Variants in KIF11 observed in about 807,000 individuals in gnomAD.
KIF11 encodes the protein kinesin family member 11.
A neutral mutation model predicts 121.0 loss-of-function variants in KIF11; 9 were observed. The ratio of observed to expected loss-of-function variants is 0.07; its 90% CI spans 0.04 to 0.13. KIF11 has a LOEUF of 0.13. KIF11 is among the 10% of genes least tolerant of loss of function. The pLI, the probability that KIF11 is intolerant of heterozygous loss-of-function variation, is 1.00. For missense variants in KIF11, 846 were observed against 1,217.5 expected, an observed-to-expected ratio of 0.69 and a Z score of 4.54; for synonymous variants, 408 against 421.0, an observed-to-expected ratio of 0.97 and a Z score of 0.38.
In KIF11 at chr10:92,649,866, C is replaced by T. The variant is rs763384059; in HGVS notation, c.2802C>T (p.Tyr934=). 3 of 1,610,544 alleles carry T rather than the reference C, an allele frequency of 1.9e-6. No individual in the cohort carries two copies. The highest frequency in any genetic ancestry group is 1.7e-6 in the Non-Finnish European group (2 of 1,177,540). The change falls in exon 20 of 22, where the codon TAC becomes TAT. Residue 934 remains tyrosine (Y), a synonymous_variant. Coordinates refer to ENST00000260731, the MANE Select transcript of KIF11 (RefSeq NM_004523.4). Reference sequence around the variant, plus strand: ...CACCACAGAGGAAAAGTTATTTATACCCATCAACACTGGTAAGAACTGAAC... The same window carrying T: ...CACCACAGAGGAAAAGTTATTTATATCCATCAACACTGGTAAGAACTGAAC... ...GTTPQRKSYL[Y]PSTLVRTEPR... is the part of the protein sequence containing the mutation.
At chr10:92,650,315 C>T in intron 20 of KIF11, 86 bp from the exon 21 acceptor site, 1 of 750,396 alleles carries the variant, frequency 1.3e-6, no homozygotes, top group South Asian at 1.5e-5. Flanking sequence ...ATACCATGGG[C>T]ATTGTGTTAT....
intron 17 of KIF11, among the ~76,000 whole-genome samples, chr10:92,645,150 TG>T (rs1844904891): frequency 6.6e-6 from 1 of 152,214 alleles, no homozygotes; most frequent in South Asian, 2.1e-4. Context: ...TGAGCAAAGA[TG>T]ATCCTTTCAA....
chr10:92,614,053 CACACACACACACAT>C (rs1414556736), intron 8 of KIF11, among the ~76,000 whole-genome samples: 4 of 146,590 alleles, frequency 2.7e-5, no homozygotes, highest in Non-Finnish European at 4.5e-5. Context: ...CACACACACA[CACACACACACACAT>C]ATAGTAGGGA....
intron 14 of KIF11, among the ~76,000 whole-genome samples, chr10:92,634,314 AT>A (rs1340828261): frequency 2.9e-5 from 4 of 138,744 alleles, no homozygotes; most frequent in African/African-American, 5.4e-5. Flanking sequence ...GTATTTATTT[AT>A]TTTTTTCAGC....
At chr10:92,622,460 C>A (rs999931771) in intron 10 of KIF11, among the ~76,000 whole-genome samples, 2 of 151,466 alleles carry the variant, frequency 1.3e-5, no homozygotes, top group Non-Finnish European at 2.9e-5. Context: ...ACTAAAAATA[C>A]TAAAATTAGC....
chr10:92,609,361 A>G, intron 5 of KIF11, 24 bp from the exon 6 acceptor site: 1 of 1,586,250 alleles, frequency 6.3e-7, no homozygotes, highest in African/African-American at 1.4e-5. Flanking sequence ...AATCTAATGG[A>G]TGTTCTTTTG....
At chr10:92,616,874 A>G in intron 9 of KIF11, 42 bp downstream of exon 9, 1 of 1,118,250 alleles carries the variant, frequency 8.9e-7, no homozygotes, top group Non-Finnish European at 1.3e-6. Flanking sequence ...CTTGTTTGAC[A>G]AATGTGAAAA....
Position 92,613,478 on chromosome 10 carries a change from G to A in KIF11, c.891G>A (p.Arg297=). 1.2e-6 allele frequency: 2 copies of A among 1,612,992 alleles called. No homozygotes were observed. Among genetic ancestry groups the A allele is most frequent in the South Asian group, 2.2e-5 (2 of 91,042 alleles). ...ATCAATCCCTGTTGACTTTGGGAAG[G>A]GTCATTACTGCCCTTGTAGAAAGAA... ...NINQSLLTLG[R]VITALVERTP... The change falls in exon 8 of 22, where the codon AGG becomes AGA. Residue 297 remains arginine, a synonymous_variant. Transcript: ENST00000260731. The surrounding 1 kb of genome is among the most constrained non-coding windows in gnomAD (Gnocchi z 4.2).
chr10:92,626,172 T>C (rs1844674386), intron 10 of KIF11, among the ~76,000 whole-genome samples: 1 of 152,166 alleles, frequency 6.6e-6, no homozygotes, highest in African/African-American at 2.4e-5. Flanking sequence ...CTTCAAACTA[T>C]ACTACAGGGC....
intron 17 of KIF11, among the ~76,000 whole-genome samples, chr10:92,643,555 ATTTT>A (rs368633432): frequency 8.1e-6 from 1 of 123,460 alleles, no homozygotes. Flanking sequence ...TATCTACTAG[ATTTT>A]TTTTTTTTTT....
chr10:92,602,534 T>C (rs1388379616), intron 1 of KIF11, among the ~76,000 whole-genome samples: 1 of 152,122 alleles, frequency 6.6e-6, no homozygotes, highest in Non-Finnish European at 1.5e-5. Context: ...GTTATCCGAT[T>C]TGTTGGCATA....
chr10:92,596,222 C>T (rs1844294344), intron 1 of KIF11, among the ~76,000 whole-genome samples: 1 of 152,222 alleles, frequency 6.6e-6, no homozygotes, highest in Admixed American at 6.5e-5. Context: ...CCAGGATGGT[C>T]TCCATCTCCT....
In KIF11 at chr10:92,633,916, T is replaced by C. The variant is rs1589602833; in HGVS notation, c.1875+121T>C. The C allele has an allele frequency of 9.5e-6, 6 of 633,488 alleles. No homozygotes were observed. The African/African-American group carries it at 1.2e-4, about 13-fold the overall frequency. The allele number at this position is 633,488 out of a possible 1,614,324, so 39.2% of individuals were successfully genotyped here. On this transcript the variant is annotated intron_variant, in intron 14 of 21. Transcript: ENST00000260731. Reference sequence around the variant, plus strand: ...AATGTTAACTGCTATTCTTTCTTCCTGAGCTTTACTAGACACAGTCATAGA... The same window carrying C: ...AATGTTAACTGCTATTCTTTCTTCCCGAGCTTTACTAGACACAGTCATAGA...
chr10:92,640,083 T>A (rs1844848904), intron 17 of KIF11, among the ~76,000 whole-genome samples, 183 bp downstream of exon 17: 1 of 152,230 alleles, frequency 6.6e-6, no homozygotes, highest in South Asian at 2.1e-4. Context: ...ATTGCGTATT[T>A]GTGCTCTCTT....
intron 21 of KIF11, among the ~76,000 whole-genome samples, chr10:92,652,627 A>G (rs565605278): frequency 6.6e-6 from 1 of 152,326 alleles, no homozygotes; most frequent in African/African-American, 2.4e-5. Context: ...AGAACTATAA[A>G]TATGTTTCTT....
rs749420119 is a variant in KIF11, at chr10:92,613,428, A to C, written c.841A>C (p.Arg281=). Residue 281 remains arginine, a synonymous_variant, in exon 8 of 22, where the codon AGA becomes CGA. Coordinates refer to ENST00000260731, the MANE Select transcript of KIF11 (RefSeq NM_004523.4). This position sits in a 1 kb window ranked among gnomAD's most constrained non-coding sequence, Gnocchi z 4.2. Reference sequence around the variant, plus strand: ...TGGCCGTTCTGGAGCTGTTGATAAGAGAGCTCGGGAAGCTGGAAATATAAA... The same window carrying C: ...TGGCCGTTCTGGAGCTGTTGATAAGCGAGCTCGGGAAGCTGGAAATATAAA... ...NIGRSGAVDK[R]AREAGNINQS... 1.6e-5 allele frequency: 25 copies of C among 1,611,274 alleles called. No homozygotes were observed. Among genetic ancestry groups the C allele is most frequent in the Non-Finnish European group, 2.0e-5 (23 of 1,177,566 alleles).
chr10:92,606,325 A>G lies in KIF11; in HGVS notation c.138A>G (p.Val46=). Residue 46 remains valine, a synonymous_variant, in exon 2 of 22, where the codon GTA becomes GTG. Transcript: ENST00000260731. ...SAHSIVECDP[V]RKEVSVRTGG... is the part of the protein sequence containing the mutation. ...ATTCAATAGTAGAATGTGATCCTGT[A>G]CGAAAAGAAGTTAGTGTACGAACTG... The G allele has an allele frequency of 6.2e-7, 1 of 1,612,390 alleles. No individual in the cohort carries two copies. Among genetic ancestry groups the G allele is most frequent in the Non-Finnish European group, 8.5e-7 (1 of 1,179,582 alleles).
At chr10:92,603,282 T>TTTTTTTTA (rs71306835) in intron 1 of KIF11, among the ~76,000 whole-genome samples, 1 of 140,936 alleles carries the variant, frequency 7.1e-6, no homozygotes, top group Non-Finnish European at 1.5e-5. Context: ...TTTTTTTTTT[T>TTTTTTTTA]GAGACAGAGT....
chr10:92,627,508 TC>T (rs1232935897), intron 10 of KIF11, among the ~76,000 whole-genome samples: 1 of 152,216 alleles, frequency 6.6e-6, no homozygotes, highest in African/African-American at 2.4e-5. Flanking sequence ...AAATATAGCA[TC>T]CTTTTATTTT....
Sources: allele counts gnomAD v4.1 joint callset (sites outside exome capture counted in the v4.1 genomes callset), GRCh38; gene constraint gnomAD v4.1.1; non-coding constraint Gnocchi (gnomAD v3.1); transcripts MANE v1.5; gene names NCBI Gene and HGNC (gene_info 2026-07-23, HGNC 2026-07-21).